TCERG1L: variants seen among roughly 807,000 people sequenced by gnomAD.
The protein encoded by TCERG1L is transcription elongation regulator 1-like protein.
A neutral mutation model predicts 56.3 loss-of-function variants in TCERG1L; 37 were observed. That is an observed-to-expected ratio of 0.66 (90% CI 0.51 to 0.87). The LOEUF (loss-of-function observed/expected upper bound fraction) is 0.87. Among genes scored for constraint, TCERG1L ranks in the 40% least tolerant of loss-of-function variants. TCERG1L has a pLI of 0.00. For synonymous variants in TCERG1L, 324 were observed against 326.3 expected, an observed-to-expected ratio of 0.99 and a Z score of 0.08; for missense variants, 799 against 774.2, an observed-to-expected ratio of 1.03 and a Z score of -0.38.
intron 3 of TCERG1L, among the ~76,000 whole-genome samples, chr10:131,305,185 G>GC (rs1158839542): frequency 6.6e-6 from 1 of 152,042 alleles, no homozygotes; most frequent in African/African-American, 2.4e-5. Context: ...TGACAGGCTA[G>GC]CCCCCGAGGT....
At chr10:131,110,434 G>C (rs1032380775) in intron 9 of TCERG1L, among the ~76,000 whole-genome samples, 2 of 152,190 alleles carry the variant, frequency 1.3e-5, no homozygotes, top group Admixed American at 1.3e-4. Flanking sequence ...CATTAAGGGG[G>C]CAGCTTCTCT....
At chr10:131,186,058 G>A (rs548409514) in intron 4 of TCERG1L, among the ~76,000 whole-genome samples, 30 of 152,320 alleles carry the variant, frequency 2.0e-4, no homozygotes, top group Non-Finnish European at 4.1e-4. Context: ...ATATGGTACT[G>A]TGCAGATGAA....
chr10:131,224,651 A>G (rs1387508528), intron 4 of TCERG1L, among the ~76,000 whole-genome samples: 9 of 152,134 alleles, frequency 5.9e-5, no homozygotes, highest in Non-Finnish European at 1.0e-4. Context: ...TTCAAGACCG[A>G]AGTCACGTCC....
At chr10:131,236,500 C>T (rs1198115246) in intron 4 of TCERG1L, among the ~76,000 whole-genome samples, 1 of 152,196 alleles carries the variant, frequency 6.6e-6, no homozygotes, top group Non-Finnish European at 1.5e-5. Context: ...GCTACCGCTG[C>T]TCACAGAACT....
At chr10:131,208,125 C>T (rs1206505665) in intron 4 of TCERG1L, among the ~76,000 whole-genome samples, 2 of 152,114 alleles carry the variant, frequency 1.3e-5, no homozygotes, top group Non-Finnish European at 2.9e-5. Context: ...CAAGAAAGGA[C>T]GGGACTAGGT....
At chr10:131,165,985 T>A (rs896756238) in intron 5 of TCERG1L, among the ~76,000 whole-genome samples, 2 of 152,230 alleles carry the variant, frequency 1.3e-5, no homozygotes, top group African/African-American at 4.8e-5. Flanking sequence ...TGGATGTTAA[T>A]CTGGAAAAAT....
chr10:131,305,738 T>G (rs1427719639), intron 3 of TCERG1L, among the ~76,000 whole-genome samples: 1 of 152,066 alleles, frequency 6.6e-6, no homozygotes, highest in African/African-American at 2.4e-5. Flanking sequence ...TTTCTGCTTC[T>G]ATGATTAACT....
chr10:131,204,515 G>A (rs965722699), intron 4 of TCERG1L, among the ~76,000 whole-genome samples: 1 of 151,930 alleles, frequency 6.6e-6, no homozygotes, highest in African/African-American at 2.4e-5. Flanking sequence ...CATTTCCCAT[G>A]TACAGTGGAG....
chr10:131,189,116 GT>G (rs1337393223), intron 4 of TCERG1L, among the ~76,000 whole-genome samples: 10 of 152,154 alleles, frequency 6.6e-5, no homozygotes, highest in African/African-American at 2.4e-4. Context: ...GGACATGTAG[GT>G]TTTTCTAGAA....
intron 4 of TCERG1L, among the ~76,000 whole-genome samples, chr10:131,208,294 G>A (rs1253846009): frequency 6.6e-6 from 1 of 152,210 alleles, no homozygotes; most frequent in Non-Finnish European, 1.5e-5. Context: ...ACATGAGGAT[G>A]CCTATCATCT....
intron 4 of TCERG1L, among the ~76,000 whole-genome samples, chr10:131,204,772 AGCCCCTTCACAGCCTG>A: frequency 6.6e-6 from 1 of 152,368 alleles, no homozygotes; most frequent in African/African-American, 2.4e-5. Context: ...CTTGTCCCTC[AGCCCCTTCACAGCCTG>A]GCCCCAGGCA....
chr10:131,232,897 C>A (rs1307278406), intron 4 of TCERG1L, among the ~76,000 whole-genome samples: 1 of 152,200 alleles, frequency 6.6e-6, no homozygotes, highest in Non-Finnish European at 1.5e-5. Context: ...ATTCTGTTAT[C>A]CCACAGTCTT....
chr10:131,179,425 G>A (rs1206280276), intron 4 of TCERG1L, among the ~76,000 whole-genome samples: 3 of 152,164 alleles, frequency 2.0e-5, no homozygotes, highest in South Asian at 2.1e-4. Context: ...AATGTGCCCC[G>A]CAGGGCACCA....
intron 9 of TCERG1L, among the ~76,000 whole-genome samples, chr10:131,109,325 C>T (rs1308270163): frequency 2.0e-5 from 3 of 152,312 alleles, no homozygotes; most frequent in Middle Eastern, 3.4e-3. Context: ...CACGCCCTGA[C>T]GAACAGTGAC....
At chr10:131,221,890 T>C (rs140534061) in intron 4 of TCERG1L, among the ~76,000 whole-genome samples, 7 of 152,338 alleles carry the variant, frequency 4.6e-5, no homozygotes, top group Non-Finnish European at 8.8e-5. Flanking sequence ...AGAATCTGCG[T>C]GGGCATCCCA....
intron 4 of TCERG1L, among the ~76,000 whole-genome samples, chr10:131,219,101 C>T (rs186189031): frequency 4.1e-4 from 63 of 152,276 alleles, no homozygotes; most frequent in Middle Eastern, 3.4e-3. Context: ...GACTCCTCTC[C>T]GTCCTGGCTC....
intron 4 of TCERG1L, among the ~76,000 whole-genome samples, chr10:131,248,893 G>A (rs939164438): frequency 2.6e-5 from 4 of 152,204 alleles, no homozygotes; most frequent in Admixed American, 1.3e-4. Context: ...CTGACTGGGG[G>A]TGCCCAGCCC....
intron 3 of TCERG1L, among the ~76,000 whole-genome samples, chr10:131,270,739 T>C (rs967708184): frequency 6.6e-5 from 10 of 152,238 alleles, no homozygotes; most frequent in African/African-American, 2.4e-4. Flanking sequence ...CTTCCTTTAA[T>C]ATCCACATGC....
chr10:131,215,864 A>C (rs1845664210), intron 4 of TCERG1L, among the ~76,000 whole-genome samples: 1 of 152,142 alleles, frequency 6.6e-6, no homozygotes, highest in African/African-American at 2.4e-5. Context: ...TTACATAACC[A>C]AGAAAAAGAG....
Sources: allele counts gnomAD v4.1 joint callset (sites outside exome capture counted in the v4.1 genomes callset), GRCh38; gene constraint gnomAD v4.1.1; transcripts MANE v1.5; gene names NCBI Gene and HGNC (gene_info 2026-07-23, HGNC 2026-07-21).